Variants in UBE2O observed in about 807,000 individuals in gnomAD.
UBE2O encodes the protein ubiquitin conjugating enzyme E2 O, also known as (E3-independent) E2 ubiquitin-conjugating enzyme.
A neutral mutation model predicts 125.8 loss-of-function variants in UBE2O; 15 were observed. The observed-to-expected ratio is 0.12, with a 90% CI of 0.08 to 0.18. UBE2O has a LOEUF of 0.18. Among genes scored for constraint, UBE2O ranks in the 10% least tolerant of loss-of-function variants. The probability of loss-of-function intolerance (pLI) is 1.00; values close to 1 mark genes in which losing one functional copy is unlikely to be tolerated. For synonymous variants in UBE2O, 708 were observed against 703.2 expected, an observed-to-expected ratio of 1.01 and a Z score of -0.11; for missense variants, 1,280 against 1,723.6, an observed-to-expected ratio of 0.74 and a Z score of 4.56.
chr17:76,391,083 C>T lies in UBE2O; in HGVS notation c.3739G>A (p.Glu1247Lys). The change falls in exon 18 of 18, where the codon GAG becomes AAG. Residue 1247 changes from glutamate to lysine, a missense_variant. This residue lies in a region of UBE2O where 233 missense variants were observed against 279.0 expected (regional missense o/e 0.84). Transcript: ENST00000319380. The surrounding 1 kb of genome is among the most constrained non-coding windows in gnomAD (Gnocchi z 8.4). ...RRKSYRSFLP[E>K]KSGYPDIGFP... Reference sequence around the variant, plus strand: ...CCGATGTCAGGGTAGCCACTCTTCTCAGGTAAGAAGCTCCGGTAGCTCTTT... The same window carrying T: ...CCGATGTCAGGGTAGCCACTCTTCTTAGGTAAGAAGCTCCGGTAGCTCTTT... 1 of 1,614,176 alleles carries T rather than the reference C, an allele frequency of 6.2e-7. No homozygotes were observed. Among genetic ancestry groups the T allele is most frequent in the Non-Finnish European group, 8.5e-7 (1 of 1,180,048 alleles).
chr17:76,425,967 C>A (rs1311141467), intron 1 of UBE2O, among the ~76,000 whole-genome samples: 3 of 152,138 alleles, frequency 2.0e-5, no homozygotes, highest in African/African-American at 7.2e-5. Flanking sequence ...CCTTCTATCT[C>A]CTCCCCACAA....
At chr17:76,434,015 A>T (rs901315056) in intron 1 of UBE2O, among the ~76,000 whole-genome samples, 1 of 152,204 alleles carries the variant, frequency 6.6e-6, no homozygotes, top group Non-Finnish European at 1.5e-5. Context: ...GACAAAAACG[A>T]GCCCTCCTAA....
chr17:76,434,675 C>T (rs1182667314), intron 1 of UBE2O, among the ~76,000 whole-genome samples: 1 of 151,856 alleles, frequency 6.6e-6, no homozygotes, highest in Non-Finnish European at 1.5e-5. Context: ...CAGAGTGGTC[C>T]CACACTGCTA....
Position 76,396,666 on chromosome 17 carries a change from C to T in UBE2O, c.2271G>A (p.Glu757=). The part of the protein sequence containing the change: ...LVEDEHPKIE[E]PPIPPLEQPV... ...GCTGCTCCAGGGGTGGGATGGGGGG[C>T]TCCTCTATCTTGGGGTGCTCGTCCT... Residue 757 remains glutamate, a synonymous_variant, in exon 14 of 18, where the codon GAG becomes GAA. Transcript: ENST00000319380. The surrounding 1 kb of genome is among the most constrained non-coding windows in gnomAD (Gnocchi z 6.7). 6.2e-7 allele frequency: 1 copy of T among 1,613,642 alleles called. No individual in the cohort carries two copies. The highest frequency in any genetic ancestry group is 8.5e-7 in the Non-Finnish European group (1 of 1,179,980).
Position 76,400,867 on chromosome 17 carries a change from T to TC in UBE2O, c.894+143dup. On this transcript the variant is annotated intron_variant, in intron 6 of 17. Coordinates refer to ENST00000319380, the MANE Select transcript of UBE2O (RefSeq NM_022066.4). The surrounding 1 kb of genome is among the most constrained non-coding windows in gnomAD (Gnocchi z 4.3). ...ATGACCAGAGCCTGGGTTCCCTTTA[T>TC]CCCCAAAGCCCTTTGAGATCAACAG... The TC allele has an allele frequency of 9.7e-7, 1 of 1,033,130 alleles. No homozygotes were observed. Among genetic ancestry groups the TC allele is most frequent in the Non-Finnish European group, 1.4e-6 (1 of 727,538 alleles). The allele number at this position is 1,033,130 out of a possible 1,614,324, so 64.0% of individuals were successfully genotyped here. A position where few individuals can be genotyped will look rare whatever the true frequency, so the allele number is the denominator to read the frequency against.
chr17:76,392,797 A>T (rs1213665226), intron 15 of UBE2O, among the ~76,000 whole-genome samples: 2 of 152,088 alleles, frequency 1.3e-5, no homozygotes, highest in Non-Finnish European at 2.9e-5. Context: ...TACTAAAAAT[A>T]CAAAAATTAG....
chr17:76,399,791 G>A lies in UBE2O; in HGVS notation c.1286C>T (p.Ser429Phe), dbSNP rs1168972679. 6.8e-6 allele frequency: 11 copies of A among 1,614,096 alleles called. No homozygotes were observed. Among genetic ancestry groups the A allele is most frequent in the Non-Finnish European group, 9.3e-6 (11 of 1,180,040 alleles). Residue 429 changes from serine to phenylalanine, a missense_variant, in exon 9 of 18, where the codon TCT becomes TTT. Around this residue, in one of 10 missense-constraint regions of UBE2O, gnomAD observed 141 missense variants for 141.3 expected, o/e 1.00. Coordinates refer to ENST00000319380, the MANE Select transcript of UBE2O (RefSeq NM_022066.4). The surrounding 1 kb of genome is among the most constrained non-coding windows in gnomAD (Gnocchi z 6.9). ...ATCGGGCGTCTCCTCAGGGCTGGCAGACTCCGCTTCGCTCTTGGTTTTGGA... is the reference window on the plus strand; with the variant it reads ...ATCGGGCGTCTCCTCAGGGCTGGCAAACTCCGCTTCGCTCTTGGTTTTGGA... ...GESKTKSEAE[S>F]ASPEETPDGS... is the part of the protein sequence containing the mutation.
rs756960800 is a variant in UBE2O, at chr17:76,398,833, C to T, written c.1783+4G>A. Reference sequence around the variant, plus strand: ...GCTGGCTGCCCTTCCAGAGCTGGCACTACCTCGCTTATCTACCACGAAGTC... The same window carrying T: ...GCTGGCTGCCCTTCCAGAGCTGGCATTACCTCGCTTATCTACCACGAAGTC... On this transcript the variant is annotated splice_donor_region_variant and intron_variant, in intron 10 of 17. Coordinates refer to ENST00000319380, the MANE Select transcript of UBE2O (RefSeq NM_022066.4). This position sits in a 1 kb window ranked among gnomAD's most constrained non-coding sequence, Gnocchi z 5.4. The T allele has an allele frequency of 6.2e-7, 1 of 1,613,116 alleles. No homozygotes were observed.
rs1454842955 is a variant in UBE2O at position 76,410,003 on chromosome 17, AG to A, written c.418-4432del. 1.3e-5 allele frequency among the ~76,000 whole-genome samples: 2 copies of A among 152,192 alleles called. No homozygotes were observed. The highest frequency in any genetic ancestry group is 2.9e-5 in the Non-Finnish European group (2 of 68,042). On this transcript the variant is annotated intron_variant, in intron 1 of 17. Transcript: ENST00000319380. This position sits in a 1 kb window ranked among gnomAD's most constrained non-coding sequence, Gnocchi z 4.0. ...GGCCCCTCCGAGGTGATGCTGAACCAGAGATCGGGATGAGATGGGGAATGAG... is the reference window on the plus strand; with the variant it reads ...GGCCCCTCCGAGGTGATGCTGAACCAAGATCGGGATGAGATGGGGAATGAG...
At chr17:76,413,040 A>AT (rs2072543359) in intron 1 of UBE2O, among the ~76,000 whole-genome samples, 1 of 152,136 alleles carries the variant, frequency 6.6e-6, no homozygotes, top group Non-Finnish European at 1.5e-5. Context: ...ACAAAATGAA[A>AT]CAAAAAAACC....
intron 1 of UBE2O, among the ~76,000 whole-genome samples, chr17:76,439,337 C>T (rs1473133737): frequency 6.6e-6 from 1 of 152,172 alleles, no homozygotes; most frequent in Non-Finnish European, 1.5e-5. Flanking sequence ...CTTCTTCCAC[C>T]CCACCTCTAG....
At chr17:76,418,536 C>T (rs1384600265) in intron 1 of UBE2O, among the ~76,000 whole-genome samples, 1 of 151,832 alleles carries the variant, frequency 6.6e-6, no homozygotes, top group East Asian at 1.9e-4. Context: ...GAAAATGGAG[C>T]AGCCTCCACA....
At chr17:76,439,942 G>T (rs1025206566) in intron 1 of UBE2O, among the ~76,000 whole-genome samples, 2 of 152,110 alleles carry the variant, frequency 1.3e-5, no homozygotes, top group African/African-American at 4.8e-5. Context: ...CCACTCATTC[G>T]CATGTGTGCA....
At chr17:76,448,327 T>C (rs1011794872) in intron 1 of UBE2O, among the ~76,000 whole-genome samples, 9 of 152,338 alleles carry the variant, frequency 5.9e-5, no homozygotes, top group Admixed American at 5.2e-4. Flanking sequence ...CTTATATAAC[T>C]TCTTCACATT....
intron 1 of UBE2O, among the ~76,000 whole-genome samples, chr17:76,446,444 T>A (rs2073152238): frequency 2.1e-5 from 3 of 142,002 alleles, no homozygotes; most frequent in Non-Finnish European, 3.0e-5. Context: ...AACAGGAAAA[T>A]GAAAAAACAA....
chr17:76,417,709 G>A (rs1322626596), intron 1 of UBE2O, among the ~76,000 whole-genome samples: 1 of 76,038 alleles, frequency 1.3e-5, no homozygotes, highest in Non-Finnish European at 2.5e-5. Flanking sequence ...ACTACAGGAG[G>A]AAAGAATGCT....
At chr17:76,437,939 C>T (rs1270116833) in intron 1 of UBE2O, among the ~76,000 whole-genome samples, 2 of 152,158 alleles carry the variant, frequency 1.3e-5, no homozygotes, top group Admixed American at 1.3e-4. Context: ...ATACACGCTT[C>T]GAAGGGAGGT....
intron 1 of UBE2O, among the ~76,000 whole-genome samples, chr17:76,424,207 CTTT>C (rs569775028): frequency 1.9e-5 from 2 of 105,282 alleles, no homozygotes; most frequent in Non-Finnish European, 3.7e-5. Context: ...CGCGCCCGGC[CTTT>C]TTTTTTTTTT....
In UBE2O at chr17:76,399,433, A is replaced by G; in HGVS notation, c.1628+16T>C. On this transcript the variant is annotated intron_variant, in intron 9 of 17. Coordinates refer to ENST00000319380, the MANE Select transcript of UBE2O (RefSeq NM_022066.4). This position sits in a 1 kb window ranked among gnomAD's most constrained non-coding sequence, Gnocchi z 6.9. ...CACGCTGACGCCATTGGGGAGGGGC[A>G]CAACTCTGAGTTTACCTGTCCCCTG... 2 of 1,610,498 alleles carry G rather than the reference A, an allele frequency of 1.2e-6. No individual in the cohort carries two copies. The highest frequency in any genetic ancestry group is 1.7e-6 in the Non-Finnish European group (2 of 1,177,290).
Sources: allele counts gnomAD v4.1 joint callset (sites outside exome capture counted in the v4.1 genomes callset), GRCh38; gene constraint gnomAD v4.1.1; regional missense constraint gnomAD v4.1.1; non-coding constraint Gnocchi (gnomAD v3.1); transcripts MANE v1.5; gene names NCBI Gene and HGNC (gene_info 2026-07-23, HGNC 2026-07-21).